The following IRAK2 variants were observed in gnomAD, a reference collection of about 807,000 sequenced individuals.
IRAK2 encodes the protein interleukin-1 receptor-associated kinase-like 2.
A neutral mutation model predicts 72.0 loss-of-function variants in IRAK2; 57 were observed. The ratio of observed to expected loss-of-function variants is 0.79; its 90% CI spans 0.64 to 0.99. The LOEUF (loss-of-function observed/expected upper bound fraction) is 0.99. IRAK2 is among the 50% of genes least tolerant of loss of function. IRAK2 has a pLI of 0.00. For missense variants in IRAK2, 790 were observed against 794.4 expected (o/e 0.99, Z 0.07); for synonymous variants, 293 against 312.7 (o/e 0.94, Z 0.67).
At chr3:10,211,272 T>A (rs1197170877) in intron 4 of IRAK2, among the ~76,000 whole-genome samples, 1 of 152,034 alleles carries the variant, frequency 6.6e-6, no homozygotes, top group Admixed American at 6.6e-5. Flanking sequence ...CTCCTGAGTA[T>A]CCGGGATTAT....
intron 2 of IRAK2, among the ~76,000 whole-genome samples, chr3:10,185,032 A>C (rs1376678974): frequency 6.6e-6 from 1 of 150,844 alleles, no homozygotes; most frequent in Non-Finnish European, 1.5e-5. Flanking sequence ...CGCCGGGCCA[A>C]AACTCCATTC....
chr3:10,219,645 G>T (rs144185216), intron 7 of IRAK2, 35 bp from the exon 8 acceptor site: 2 of 1,516,994 alleles, frequency 1.3e-6, no homozygotes, highest in Non-Finnish European at 1.8e-6. Context: ...AAGGTACATT[G>T]TGACTATTTG....
At chr3:10,235,306 C>CTTTTTTTTTT (rs879313750) in intron 11 of IRAK2, among the ~76,000 whole-genome samples, 1 of 146,954 alleles carries the variant, frequency 6.8e-6, no homozygotes, top group Non-Finnish European at 1.5e-5. Flanking sequence ...ACTGCTTGAT[C>CTTTTTTTTTT]TTTTTTTTTT....
At chr3:10,175,890 CAA>C (rs59718922) in intron 1 of IRAK2, among the ~76,000 whole-genome samples, 7 of 53,712 alleles carry the variant, frequency 1.3e-4, no homozygotes, top group East Asian at 6.9e-4. Context: ...GACTCCGTCT[CAA>C]AAAAAAAAAA....
intron 10 of IRAK2, among the ~76,000 whole-genome samples, chr3:10,231,999 T>C (rs1029064157): frequency 1.3e-4 from 20 of 151,894 alleles, no homozygotes; most frequent in Non-Finnish European, 2.2e-4. Context: ...TGGTGGCGGG[T>C]GCCTGTAGTC....
At chr3:10,223,695 C>A (rs1391230235) in intron 9 of IRAK2, among the ~76,000 whole-genome samples, 2 of 152,230 alleles carry the variant, frequency 1.3e-5, no homozygotes, top group African/African-American at 4.8e-5. Flanking sequence ...ACCTTGTGTT[C>A]TCAGAATATC....
intron 11 of IRAK2, 63 bp from the exon 12 acceptor site, chr3:10,238,685 A>T (rs1033860717): frequency 4.4e-5 from 66 of 1,509,328 alleles, no homozygotes; most frequent in Middle Eastern, 3.5e-4. Flanking sequence ...GGGAGGCCAG[A>T]TGTTAGCATT....
At chr3:10,227,975 C>T (rs935944453) in intron 10 of IRAK2, among the ~76,000 whole-genome samples, 2 of 151,932 alleles carry the variant, frequency 1.3e-5, no homozygotes, top group African/African-American at 4.8e-5. Flanking sequence ...ACAGCAGTCT[C>T]CTGCTTGTTT....
intron 4 of IRAK2, among the ~76,000 whole-genome samples, chr3:10,210,559 G>T (rs1382722795): frequency 1.3e-5 from 2 of 152,080 alleles, no homozygotes; most frequent in Non-Finnish European, 2.9e-5. Flanking sequence ...AGTGCCTGGG[G>T]GAGAAGCCAG....
At chr3:10,169,636 TTC>T (rs1430043295) in intron 1 of IRAK2, among the ~76,000 whole-genome samples, 2 of 152,198 alleles carry the variant, frequency 1.3e-5, no homozygotes, top group Non-Finnish European at 2.9e-5. Context: ...ATCACTGTTA[TTC>T]TGTTCTTTTT....
In IRAK2 at chr3:10,165,042, G is replaced by A. The variant is rs1696657159; in HGVS notation, c.88G>A (p.Glu30Lys). The A allele has an allele frequency of 2.5e-6, 4 of 1,610,366 alleles. No homozygotes were observed. The South Asian group carries it at 4.4e-5, about 18-fold the overall frequency. ...MDALSEWDWM[E>K]FASYVITDLT... ...CGCGCTCAGCGAGTGGGACTGGATG[G>A]AGTTCGGTGAGTGCGGCCCGGGGAG... The change falls in exon 1 of 13, where the codon GAG becomes AAG. Residue 30 changes from glutamate (E) to lysine (K), a missense_variant. By Grantham distance (56) the Glu-to-Lys change is moderately conservative. Coordinates refer to ENST00000256458, the MANE Select transcript of IRAK2 (RefSeq NM_001570.4).
rs779410952 is a variant in IRAK2 at position 10,213,381 on chromosome 3, G to A, written c.703G>A (p.Val235Ile). The A allele has an allele frequency of 2.2e-5, 36 of 1,614,066 alleles. No homozygotes were observed. Among genetic ancestry groups the A allele is most frequent in the South Asian group, 1.2e-4 (11 of 91,074 alleles). ...AGGGCACAGGCACGGGAAGCCATTC[G>A]TCTTCAAGAAGCTCAGAGAGGTGAG... ...YRGHRHGKPF[V>I]FKKLRETACS... The change falls in exon 5 of 13, where the codon GTC becomes ATC. Residue 235 changes from valine (V) to isoleucine (I), a missense_variant. Transcript: ENST00000256458.
chr3:10,236,708 C>G (rs868360218), intron 11 of IRAK2, among the ~76,000 whole-genome samples: 1 of 152,016 alleles, frequency 6.6e-6, no homozygotes, highest in Admixed American at 6.6e-5. Context: ...AAAGTTCTGT[C>G]TCCTTCAACC....
chr3:10,211,793 T>G (rs981831464), intron 4 of IRAK2, among the ~76,000 whole-genome samples: 7 of 151,894 alleles, frequency 4.6e-5, no homozygotes, highest in Admixed American at 4.6e-4. Context: ...AAATTGAAAT[T>G]TAGGCCGGGC....
chr3:10,238,764 C>A lies in IRAK2; in HGVS notation c.1490C>A (p.Ala497Asp), dbSNP rs1467942179. Residue 497 changes from alanine (A) to aspartate (D), a missense_variant, in exon 12 of 13, where the codon GCT (alanine) becomes GAT (aspartate). Ala to Asp is a moderately radical substitution (Grantham distance 126). Coordinates refer to ENST00000256458, the MANE Select transcript of IRAK2 (RefSeq NM_001570.4). ...TSLQEVCGSVAAVEERLRGRE... is the reference protein window; with the variant it reads ...TSLQEVCGSVDAVEERLRGRE... ...CTCCCAAAGGTGTGTGGCTCTGTGG[C>A]TGCTGTGGAAGAGCGGCTCCGAGGT... 6.2e-7 allele frequency: 1 copy of A among 1,614,088 alleles called. No individual in the cohort carries two copies. Among genetic ancestry groups the A allele is most frequent in the African/African-American group, 1.3e-5 (1 of 75,056 alleles).
At chr3:10,201,440 C>T (rs1239701324) in intron 3 of IRAK2, among the ~76,000 whole-genome samples, 1 of 152,244 alleles carries the variant, frequency 6.6e-6, no homozygotes, top group Non-Finnish European at 1.5e-5. Context: ...TTCCTGCCCA[C>T]CACTTTCCTC....
At chr3:10,210,422 C>T (rs1446489840) in intron 4 of IRAK2, among the ~76,000 whole-genome samples, 1 of 152,074 alleles carries the variant, frequency 6.6e-6, no homozygotes, top group Non-Finnish European at 1.5e-5. Flanking sequence ...AAATAAAATC[C>T]AAGCAGGATT....
At chr3:10,173,194 A>C (rs1696823882) in intron 1 of IRAK2, among the ~76,000 whole-genome samples, 1 of 152,154 alleles carries the variant, frequency 6.6e-6, no homozygotes, top group Non-Finnish European at 1.5e-5. Flanking sequence ...CACCTTCCCC[A>C]AAAACACAGC....
chr3:10,168,780 C>T (rs1042730479), intron 1 of IRAK2, among the ~76,000 whole-genome samples: 7 of 152,146 alleles, frequency 4.6e-5, no homozygotes, highest in African/African-American at 1.2e-4. Context: ...CTGTCACTCC[C>T]CTGCTCCAGC....
Sources: allele counts gnomAD v4.1 joint callset (sites outside exome capture counted in the v4.1 genomes callset), GRCh38; gene constraint gnomAD v4.1.1; transcripts MANE v1.5; gene names NCBI Gene and HGNC (gene_info 2026-07-23, HGNC 2026-07-21).